The following LPP variants were observed in gnomAD, a reference collection of about 807,000 sequenced individuals.
LPP encodes the protein LIM domain containing preferred translocation partner in lipoma.
A neutral mutation model predicts 60.4 loss-of-function variants in LPP; 38 were observed. The observed-to-expected ratio is 0.63, with a 90% CI of 0.49 to 0.83. The LOEUF (loss-of-function observed/expected upper bound fraction) is 0.83, where lower values mean the gene tolerates loss of function less well. Among genes scored for constraint, LPP ranks in the 40% least tolerant of loss-of-function variants. The probability of loss-of-function intolerance (pLI) is 0.00; values close to 1 mark genes in which losing one functional copy is unlikely to be tolerated. For missense variants in LPP, 902 were observed against 783.6 expected, an observed-to-expected ratio of 1.15 and a Z score of -1.80; for synonymous variants, 328 against 290.8, an observed-to-expected ratio of 1.13 and a Z score of -1.30.
At chr3:188,764,824 C>A (rs980417810) in intron 9 of LPP, among the ~76,000 whole-genome samples, 1 of 152,160 alleles carries the variant, frequency 6.6e-6, no homozygotes, top group Admixed American at 6.5e-5. Flanking sequence ...AGTGGATGGA[C>A]TCCAGGTCCT....
intron 2 of LPP, among the ~76,000 whole-genome samples, chr3:188,262,017 A>C (rs1035413195): frequency 1.3e-5 from 2 of 152,196 alleles, no homozygotes; most frequent in African/African-American, 4.8e-5. Flanking sequence ...TTAAGTTAGA[A>C]ACTGTTGCCT....
intron 2 of LPP, among the ~76,000 whole-genome samples, chr3:188,337,449 G>C (rs1185813583): frequency 6.6e-6 from 1 of 152,134 alleles, no homozygotes; most frequent in Non-Finnish European, 1.5e-5. Flanking sequence ...GGCTTGCTGG[G>C]ATCCTTTTGT....
intron 3 of LPP, among the ~76,000 whole-genome samples, chr3:188,371,313 G>C (rs1384245074): frequency 6.6e-6 from 1 of 151,632 alleles, no homozygotes; most frequent in African/African-American, 2.4e-5. Context: ...TGAATTATTA[G>C]ATATTATCTA....
At chr3:188,334,385 C>A (rs1578163863) in intron 2 of LPP, among the ~76,000 whole-genome samples, 2 of 149,350 alleles carry the variant, frequency 1.3e-5, no homozygotes, top group East Asian at 3.9e-4. Context: ...GGATATATGA[C>A]CAGCAGTGGG....
chr3:188,433,580 A>AAGAGAG (rs544817280), intron 4 of LPP, among the ~76,000 whole-genome samples: 1 of 125,110 alleles, frequency 8.0e-6, no homozygotes, highest in Non-Finnish European at 1.6e-5. Context: ...GAGAGAGAGA[A>AAGAGAG]AGAGAGAGAG....
chr3:188,406,578 C>T (rs1020773269), intron 4 of LPP, among the ~76,000 whole-genome samples: 3 of 152,280 alleles, frequency 2.0e-5, no homozygotes, highest in African/African-American at 7.2e-5. Context: ...TCTTTAGTCA[C>T]AGCTCAATGC....
chr3:188,642,402 C>T (rs1052803208), intron 7 of LPP, among the ~76,000 whole-genome samples: 5 of 152,118 alleles, frequency 3.3e-5, no homozygotes, highest in Non-Finnish European at 5.9e-5. Flanking sequence ...GTTTGGTTAA[C>T]GTTTAGTAGT....
intron 9 of LPP, among the ~76,000 whole-genome samples, chr3:188,810,303 A>G (rs1026890121): frequency 2.6e-4 from 40 of 152,026 alleles, no homozygotes; most frequent in African/African-American, 8.9e-4. Flanking sequence ...CCTCAGAGGC[A>G]TCTATCTTTC....
Position 188,337,264 on chromosome 3 carries a change from C to T in LPP, c.-66-4399C>T, listed in dbSNP as rs143712968. Among the ~76,000 whole-genome samples the T allele has an allele frequency of 8.9e-4, 135 of 152,320 alleles. 1 individual carries two copies. Among genetic ancestry groups the T allele is most frequent in the African/African-American group, 2.4e-3 (100 of 41,560 alleles). On this transcript the variant is annotated intron_variant, in intron 2 of 11. Coordinates refer to ENST00000617246, the MANE Select transcript of LPP (RefSeq NM_001375462.1). ...TCCAGCCAAAGCTCCATTTCCAAGA[C>T]GGCATAGCGCAGTAGCTGCGCAGGC...
chr3:188,206,072 C>T (rs971092855), intron 1 of LPP, among the ~76,000 whole-genome samples: 57 of 152,178 alleles, frequency 3.7e-4, no homozygotes, highest in African/African-American at 8.7e-4. Context: ...GCACGAGTCA[C>T]GAGATGTGAC....
intron 5 of LPP, among the ~76,000 whole-genome samples, chr3:188,486,154 C>A (rs1187167149): frequency 6.6e-6 from 1 of 151,776 alleles, no homozygotes; most frequent in African/African-American, 2.4e-5. Flanking sequence ...TTAAAATATC[C>A]TATAATAAGA....
intron 2 of LPP, among the ~76,000 whole-genome samples, chr3:188,240,847 A>G (rs1724318705): frequency 2.0e-5 from 3 of 152,346 alleles, no homozygotes; most frequent in South Asian, 2.1e-4. Flanking sequence ...CTCTTAGTGA[A>G]TGAACCTCCC....
intron 3 of LPP, among the ~76,000 whole-genome samples, chr3:188,357,219 A>G (rs1458497860): frequency 6.6e-6 from 1 of 152,246 alleles, no homozygotes; most frequent in African/African-American, 2.4e-5. Flanking sequence ...AACATAAAAA[A>G]ATCAAATTGA....
At chr3:188,570,197 A>G (rs546515656) in intron 6 of LPP, among the ~76,000 whole-genome samples, 4 of 152,068 alleles carry the variant, frequency 2.6e-5, no homozygotes, top group Non-Finnish European at 5.9e-5. Flanking sequence ...GGTCAAAGGC[A>G]TATGAGTAAG....
chr3:188,705,425 A>G lies in LPP; in HGVS notation c.1114-2842A>G, dbSNP rs532632855. 3.3e-5 allele frequency among the ~76,000 whole-genome samples: 5 copies of G among 152,130 alleles called. No individual in the cohort carries two copies. The East Asian group carries it at 7.7e-4, about 24-fold the overall frequency. On this transcript the variant is annotated intron_variant, in intron 7 of 11. Transcript: ENST00000617246. Reference sequence around the variant, plus strand: ...TTAGTCCTTGTTCCTCCTCTCAAATATGGCTCCTGTGACCAACCTTCGTCA... The same window carrying G: ...TTAGTCCTTGTTCCTCCTCTCAAATGTGGCTCCTGTGACCAACCTTCGTCA...
At chr3:188,772,098 G>A (rs1009948005) in intron 9 of LPP, among the ~76,000 whole-genome samples, 2 of 152,140 alleles carry the variant, frequency 1.3e-5, no homozygotes, top group African/African-American at 4.8e-5. Context: ...CCACTAGTCT[G>A]TACTTCCAGT....
chr3:188,350,022 A>T (rs1489793023), intron 3 of LPP, among the ~76,000 whole-genome samples: 1 of 152,002 alleles, frequency 6.6e-6, no homozygotes, highest in Non-Finnish European at 1.5e-5. Flanking sequence ...GGTGGCTGAA[A>T]CCATTTTGCT....
chr3:188,856,542 T>C (rs1425135422), intron 9 of LPP, among the ~76,000 whole-genome samples: 1 of 152,228 alleles, frequency 6.6e-6, no homozygotes, highest in Non-Finnish European at 1.5e-5. Flanking sequence ...TTTATATCTA[T>C]TTACATTCTT....
chr3:188,370,154 C>T lies in LPP; in HGVS notation c.-10+28435C>T, dbSNP rs150089762. On this transcript the variant is annotated intron_variant, in intron 3 of 11. Coordinates refer to ENST00000617246, the MANE Select transcript of LPP (RefSeq NM_001375462.1). ...TCTTGGTATGACTGGTCTTGAACTC[C>T]TGACCTCTTGATTCACCTGCCTCGG... Among the ~76,000 whole-genome samples, 609 of 152,302 alleles carry T rather than the reference C, an allele frequency of 4.0e-3. 10 individuals are homozygous for T. Among genetic ancestry groups the T allele is most frequent in the African/African-American group, 0.014 (593 of 41,568 alleles).
Sources: gnomAD v4.1 joint callset for allele counts (sites outside exome capture counted in the v4.1 genomes callset) on GRCh38, gnomAD v4.1.1 for gene constraint, MANE v1.5 for transcripts, NCBI Gene and HGNC (gene_info 2026-07-23, HGNC 2026-07-21) for gene names.